Variants in GREB1L observed in about 807,000 individuals in gnomAD.
The protein encoded by GREB1L is GREB1 like retinoic acid receptor coactivator.
A neutral mutation model predicts 200.8 loss-of-function variants in GREB1L; 17 were observed. That is an observed-to-expected ratio of 0.08 (90% CI 0.06 to 0.13). The LOEUF (loss-of-function observed/expected upper bound fraction) is 0.13, where lower values mean the gene tolerates loss of function less well. Among genes scored for constraint, GREB1L ranks in the 10% least tolerant of loss-of-function variants. The probability of loss-of-function intolerance (pLI) is 1.00; values close to 1 mark genes in which losing one functional copy is unlikely to be tolerated. For missense variants in GREB1L, 1,657 were observed against 2,367.7 expected, an observed-to-expected ratio of 0.70 and a Z score of 6.23; for synonymous variants, 789 against 893.0, an observed-to-expected ratio of 0.88 and a Z score of 2.08.
intron 1 of GREB1L, among the ~76,000 whole-genome samples, chr18:21,335,140 G>A (rs1365057607): frequency 1.3e-5 from 2 of 152,144 alleles, no homozygotes; most frequent in African/African-American, 4.8e-5. Flanking sequence ...CTTAGTGACA[G>A]TGTTCTCTCT....
At chr18:21,451,191 G>A (rs2034503487) in intron 13 of GREB1L, 40 bp downstream of exon 13, 13 of 1,544,900 alleles carry the variant, frequency 8.4e-6, no homozygotes, top group East Asian at 2.4e-5. Context: ...GCAGCCCCTA[G>A]TTGTATGATT....
intron 1 of GREB1L, among the ~76,000 whole-genome samples, chr18:21,348,170 C>A (rs2039380344): frequency 6.6e-6 from 1 of 151,838 alleles, no homozygotes; most frequent in Non-Finnish European, 1.5e-5. Context: ...TGGTCTCAAT[C>A]TCCTGACCTC....
chr18:21,373,978 G>A (rs779772854), intron 2 of GREB1L, among the ~76,000 whole-genome samples: 65 of 151,652 alleles, frequency 4.3e-4, no homozygotes, highest in African/African-American at 1.5e-3. Flanking sequence ...AGGTAGTCTC[G>A]TATGTCTTCT....
intron 3 of GREB1L, among the ~76,000 whole-genome samples, 171 bp from the exon 4 acceptor site, chr18:21,384,035 G>T (rs1365195813): frequency 6.6e-6 from 1 of 152,148 alleles, no homozygotes; most frequent in Admixed American, 6.5e-5. Context: ...TTTTTAAAAA[G>T]TGGGATTCTT....
chr18:21,345,435 C>T (rs1433818796), intron 1 of GREB1L, among the ~76,000 whole-genome samples: 3 of 152,134 alleles, frequency 2.0e-5, no homozygotes, highest in Admixed American at 2.0e-4. Flanking sequence ...ATAGCATTGT[C>T]AAGTGATTAA....
At chr18:21,493,509 G>T (rs2036421201) in intron 19 of GREB1L, among the ~76,000 whole-genome samples, 1 of 152,158 alleles carries the variant, frequency 6.6e-6, no homozygotes, top group Admixed American at 6.5e-5. Context: ...ATTTTATAGT[G>T]GGTTTGGCTA....
chr18:21,500,511 TC>T, intron 22 of GREB1L, 28 bp from the exon 23 acceptor site: 1 of 1,456,662 alleles, frequency 6.9e-7, no homozygotes, highest in Non-Finnish European at 9.4e-7. Context: ...CCGCCTCCAC[TC>T]CTCCCCAATT....
chr18:21,363,058 C>T (rs2039601564), intron 1 of GREB1L, among the ~76,000 whole-genome samples: 1 of 152,122 alleles, frequency 6.6e-6, no homozygotes, highest in Non-Finnish European at 1.5e-5. Flanking sequence ...TCACAGGTTG[C>T]TTTTTAATTT....
At position 21,315,698 on chromosome 18, in the gene GREB1L, A is replaced by G. The variant is rs2038856586; in HGVS notation, c.-119-50329A>G. Among the ~76,000 whole-genome samples, 3 of 152,122 alleles carry G rather than the reference A, an allele frequency of 2.0e-5. No individual in the cohort carries two copies. The South Asian group carries it at 6.2e-4, about 32-fold the overall frequency. On this transcript the variant is annotated intron_variant, in intron 1 of 32. Transcript: ENST00000424526. ...ATATGTCTAAATATTTTAAAGTTATAAATCAAGCTAACAGACTGCTAAAGT... is the reference window on the plus strand; with the variant it reads ...ATATGTCTAAATATTTTAAAGTTATGAATCAAGCTAACAGACTGCTAAAGT...
intron 2 of GREB1L, among the ~76,000 whole-genome samples, chr18:21,372,445 C>T (rs2039912049): frequency 6.6e-6 from 1 of 151,928 alleles, no homozygotes; most frequent in South Asian, 2.1e-4. Context: ...CGTGCCCGGC[C>T]CCAAATTTGT....
intron 17 of GREB1L, among the ~76,000 whole-genome samples, chr18:21,484,897 A>G (rs1018419918): frequency 2.6e-5 from 4 of 152,192 alleles, no homozygotes; most frequent in Non-Finnish European, 5.9e-5. Context: ...ACTGTAAAAA[A>G]CTAATGTAGA....
intron 1 of GREB1L, among the ~76,000 whole-genome samples, chr18:21,309,789 G>A (rs981384424): frequency 6.6e-6 from 1 of 152,016 alleles, no homozygotes; most frequent in South Asian, 2.1e-4. Context: ...TCACGGTCTA[G>A]CAATGTCTGG....
rs539158602 is a variant in GREB1L, at chr18:21,315,315, T to A, written c.-119-50712T>A. Reference sequence around the variant, plus strand: ...TATGTTGCGCAGGCTGGTCTTGAATTCCTAGGCTCAAGTGATCCTCCCGCC... The same window carrying A: ...TATGTTGCGCAGGCTGGTCTTGAATACCTAGGCTCAAGTGATCCTCCCGCC... On this transcript the variant is annotated intron_variant, in intron 1 of 32. Coordinates refer to ENST00000424526, the MANE Select transcript of GREB1L (RefSeq NM_001142966.3). Among the ~76,000 whole-genome samples the A allele has an allele frequency of 7.9e-5, 12 of 152,270 alleles. No individual in the cohort carries two copies. The South Asian group carries it at 2.5e-3, about 32-fold the overall frequency.
intron 7 of GREB1L, among the ~76,000 whole-genome samples, chr18:21,436,646 A>G (rs775771898): frequency 6.6e-6 from 1 of 151,388 alleles, no homozygotes; most frequent in Non-Finnish European, 1.5e-5. Flanking sequence ...AAACATAAAG[A>G]TAGAATCCCA....
intron 1 of GREB1L, among the ~76,000 whole-genome samples, chr18:21,353,383 A>C (rs2039462517): frequency 6.6e-6 from 1 of 152,134 alleles, no homozygotes; most frequent in Admixed American, 6.6e-5. Flanking sequence ...CTGTTACTAG[A>C]ATATGCTTAA....
At chr18:21,358,529 A>G (rs2039537847) in intron 1 of GREB1L, among the ~76,000 whole-genome samples, 1 of 152,174 alleles carries the variant, frequency 6.6e-6, no homozygotes, top group South Asian at 2.1e-4. Flanking sequence ...GTTAGCCAGT[A>G]TGGTCTTGAT....
intron 7 of GREB1L, among the ~76,000 whole-genome samples, chr18:21,411,217 T>A (rs76255890): frequency 6.6e-6 from 1 of 151,748 alleles, no homozygotes; most frequent in Non-Finnish European, 1.5e-5. Context: ...GATTCTTTTT[T>A]TTTTTTTGAG....
At chr18:21,414,004 T>A (rs1185838093) in intron 7 of GREB1L, among the ~76,000 whole-genome samples, 3 of 152,244 alleles carry the variant, frequency 2.0e-5, no homozygotes, top group Admixed American at 6.5e-5. Context: ...GAAAGCAGTT[T>A]GGCAATATGT....
At chr18:21,364,885 C>A in intron 1 of GREB1L, among the ~76,000 whole-genome samples, 1 of 149,058 alleles carries the variant, frequency 6.7e-6, no homozygotes, top group East Asian at 2.0e-4. Flanking sequence ...AATATAGTTT[C>A]ATTGGCAGTA....
Sources: gnomAD v4.1 joint callset for allele counts (sites outside exome capture counted in the v4.1 genomes callset) on GRCh38, gnomAD v4.1.1 for gene constraint, MANE v1.5 for transcripts, NCBI Gene and HGNC (gene_info 2026-07-23, HGNC 2026-07-21) for gene names.